PHACTR1: variants seen among roughly 807,000 people sequenced by gnomAD.
PHACTR1 encodes the protein phosphatase and actin regulator 1.
In PHACTR1, 16 loss-of-function variants were observed where a neutral mutation model predicts 69.2. The observed-to-expected ratio is 0.23, with a 90% CI of 0.16 to 0.35. The LOEUF (loss-of-function observed/expected upper bound fraction) is 0.35. Among genes scored for constraint, PHACTR1 ranks in the 10% least tolerant of loss-of-function variants. PHACTR1 has a pLI of 1.00. For synonymous variants in PHACTR1, 312 were observed against 284.5 expected, an observed-to-expected ratio of 1.10 and a Z score of -0.97; for missense variants, 510 against 734.7, an observed-to-expected ratio of 0.69 and a Z score of 3.54.
intron 10 of PHACTR1, among the ~76,000 whole-genome samples, chr6:13,268,141 C>G (rs1170355504): frequency 6.6e-6 from 1 of 152,174 alleles, no homozygotes; most frequent in Admixed American, 6.5e-5. Context: ...GTGGCACACA[C>G]CTGTAATCCC....
chr6:13,214,547 G>A (rs1422237254), intron 8 of PHACTR1, among the ~76,000 whole-genome samples: 1 of 152,208 alleles, frequency 6.6e-6, no homozygotes, highest in Non-Finnish European at 1.5e-5. Context: ...TCGCTAAGGT[G>A]TAGGGAATCG....
At chr6:12,982,545 G>A (rs961804944) in intron 4 of PHACTR1, among the ~76,000 whole-genome samples, 1 of 152,142 alleles carries the variant, frequency 6.6e-6, no homozygotes, top group Non-Finnish European at 1.5e-5. Flanking sequence ...CAGGTGTGGT[G>A]GCAAGCCCCT....
intron 4 of PHACTR1, among the ~76,000 whole-genome samples, chr6:12,833,058 G>A (rs1777759087): frequency 6.6e-6 from 1 of 152,070 alleles, no homozygotes; most frequent in Non-Finnish European, 1.5e-5. Context: ...CCAATTGATT[G>A]TGTGTCCATG....
At chr6:12,840,923 G>C (rs1029593405) in intron 4 of PHACTR1, among the ~76,000 whole-genome samples, 1 of 152,224 alleles carries the variant, frequency 6.6e-6, no homozygotes, top group African/African-American at 2.4e-5. Context: ...CAGCAATTGA[G>C]TTGATTTTGT....
intron 4 of PHACTR1, among the ~76,000 whole-genome samples, chr6:12,835,554 G>A (rs931003785): frequency 3.3e-5 from 5 of 152,116 alleles, no homozygotes; most frequent in African/African-American, 9.7e-5. Flanking sequence ...GTATTCAGGA[G>A]AAATAAGTCT....
chr6:13,093,347 C>T (rs1053333971), intron 5 of PHACTR1, among the ~76,000 whole-genome samples: 2 of 152,128 alleles, frequency 1.3e-5, no homozygotes, highest in Non-Finnish European at 2.9e-5. Flanking sequence ...TTGTATTTAG[C>T]CAGAAGAATA....
intron 4 of PHACTR1, among the ~76,000 whole-genome samples, chr6:13,008,012 A>G (rs1026726183): frequency 1.3e-5 from 2 of 152,204 alleles, no homozygotes; most frequent in African/African-American, 2.4e-5. Context: ...AAAATAAAAA[A>G]CAAAACCCCA....
intron 10 of PHACTR1, among the ~76,000 whole-genome samples, chr6:13,263,881 A>T (rs202065): frequency 6.6e-6 from 1 of 152,016 alleles, no homozygotes; most frequent in East Asian, 1.9e-4. Context: ...TCAGCTTTCT[A>T]TGTTAACCAG....
intron 4 of PHACTR1, among the ~76,000 whole-genome samples, chr6:12,924,009 AT>A (rs1295746427): frequency 6.6e-6 from 1 of 152,222 alleles, no homozygotes; most frequent in African/African-American, 2.4e-5. Context: ...AGTAAACTGA[AT>A]ATCAAACACT....
intron 10 of PHACTR1, among the ~76,000 whole-genome samples, chr6:13,253,551 T>G (rs1330427313): frequency 6.6e-6 from 1 of 152,216 alleles, no homozygotes; most frequent in African/African-American, 2.4e-5. Flanking sequence ...GCCCCACAGT[T>G]CTGTAATCAT....
At chr6:12,818,932 A>T (rs1359343514) in intron 4 of PHACTR1, among the ~76,000 whole-genome samples, 3 of 152,262 alleles carry the variant, frequency 2.0e-5, no homozygotes, top group African/African-American at 4.8e-5. Context: ...ATGCAGGCAT[A>T]GGACATGCCA....
chr6:12,937,167 C>A (rs1789549419), intron 4 of PHACTR1, among the ~76,000 whole-genome samples: 2 of 152,172 alleles, frequency 1.3e-5, no homozygotes. Context: ...TGCCCAGCCA[C>A]CTTTCTGTGT....
At chr6:13,236,140 G>A (rs148280894) in intron 10 of PHACTR1, among the ~76,000 whole-genome samples, 11 of 149,764 alleles carry the variant, frequency 7.3e-5, no homozygotes, top group African/African-American at 2.7e-4. Flanking sequence ...TTCATCACCT[G>A]AGCTGGAGCA....
intron 4 of PHACTR1, among the ~76,000 whole-genome samples, chr6:12,980,198 AAAAG>A (rs1470700155): frequency 6.6e-6 from 1 of 152,210 alleles, no homozygotes; most frequent in Admixed American, 6.5e-5. Flanking sequence ...TGCATACAGA[AAAAG>A]AAGCATGGAG....
chr6:12,961,039 T>G (rs1792652379), intron 4 of PHACTR1, among the ~76,000 whole-genome samples: 1 of 152,196 alleles, frequency 6.6e-6, no homozygotes, highest in Non-Finnish European at 1.5e-5. Flanking sequence ...AGTATTCAGC[T>G]TCCTACAAAG....
In PHACTR1 at chr6:13,182,547, G is replaced by C; in HGVS notation, c.525G>C (p.Glu175Asp). ...GGGAACTCTCTATATCCAATGAAGA[G>C]GACTCCCTAGAAAATGGGCAGTCCC... is the stretch of plus-strand genomic sequence containing the variant. Reference protein sequence around the residue: ...KDGELSISNEEDSLENGQSLS... With the variant: ...KDGELSISNEDDSLENGQSLS... The change falls in exon 7 of 15, where the codon GAG (glutamate) becomes GAC (aspartate). Residue 175 changes from glutamate (E) to aspartate (D), a missense_variant. Physicochemically the swap from Glu to Asp is conservative, Grantham distance 45 (BLOSUM62 2). Transcript: ENST00000332995. 1 of 1,613,856 alleles carries C rather than the reference G, an allele frequency of 6.2e-7. No homozygotes were observed. Among genetic ancestry groups the C allele is most frequent in the Non-Finnish European group, 8.5e-7 (1 of 1,179,816 alleles).
At chr6:13,154,332 G>C (rs1441198761) in intron 5 of PHACTR1, among the ~76,000 whole-genome samples, 1 of 151,918 alleles carries the variant, frequency 6.6e-6, no homozygotes, top group African/African-American at 2.4e-5. Context: ...GCTAATTTTT[G>C]TATTTTTAGT....
At chr6:13,006,792 G>A (rs1562124466) in intron 4 of PHACTR1, among the ~76,000 whole-genome samples, 1 of 152,174 alleles carries the variant, frequency 6.6e-6, no homozygotes, top group Non-Finnish European at 1.5e-5. Flanking sequence ...GTACAGGACT[G>A]CTGTGGGTCG....
intron 4 of PHACTR1, among the ~76,000 whole-genome samples, chr6:12,887,376 G>C (rs1783743977): frequency 6.6e-6 from 1 of 152,158 alleles, no homozygotes; most frequent in East Asian, 1.9e-4. Flanking sequence ...AGTCCTTATA[G>C]GCATGGAATG....
Sources: allele counts gnomAD v4.1 joint callset (sites outside exome capture counted in the v4.1 genomes callset), GRCh38; gene constraint gnomAD v4.1.1; transcripts MANE v1.5; gene names NCBI Gene and HGNC (gene_info 2026-07-23, HGNC 2026-07-21).